Variants in KIF2C observed in about 807,000 individuals in gnomAD.
The protein encoded by KIF2C is kinesin family member 2C.
A neutral mutation model predicts 97.4 loss-of-function variants in KIF2C; 34 were observed. The observed-to-expected ratio is 0.35, with a 90% CI of 0.27 to 0.46. The LOEUF (loss-of-function observed/expected upper bound fraction) is 0.46. Ranked by LOEUF, KIF2C falls within the 20% of genes least tolerant of loss-of-function variation. The pLI is 1.00. For synonymous variants in KIF2C, 313 were observed against 318.2 expected (o/e 0.98, Z 0.17); for missense variants, 750 against 907.6 (o/e 0.83, Z 2.23).
chr1:44,744,597 C>T (rs548721042), intron 2 of KIF2C, among the ~76,000 whole-genome samples: 6 of 152,142 alleles, frequency 3.9e-5, no homozygotes, highest in African/African-American at 7.2e-5. Flanking sequence ...ATTGTCAGAG[C>T]AAGGCTTAAA....
chr1:44,763,143 G>A (rs1347883031), intron 19 of KIF2C, among the ~76,000 whole-genome samples: 2 of 152,020 alleles, frequency 1.3e-5, no homozygotes, highest in African/African-American at 4.8e-5. Flanking sequence ...AATGGTCAAG[G>A]TAGGATGGTT....
chr1:44,750,353 A>G (rs1649441386), intron 4 of KIF2C, 89 bp from the exon 5 acceptor site: 1 of 1,286,978 alleles, frequency 7.8e-7, no homozygotes. Context: ...GCTGGGACCT[A>G]TTTCACCTTG....
chr1:44,747,766 G>A, intron 4 of KIF2C, 66 bp downstream of exon 4: 1 of 1,449,782 alleles, frequency 6.9e-7, no homozygotes, highest in South Asian at 1.2e-5. Context: ...CTAGGACTCA[G>A]AGTTGTGGAA....
In KIF2C at chr1:44,757,980, T is replaced by C. The variant is rs1649929003; in HGVS notation, c.1132+9T>C. 1 of 1,614,152 alleles carries C rather than the reference T, an allele frequency of 6.2e-7. No homozygotes were observed. Among genetic ancestry groups the C allele is most frequent in the Non-Finnish European group, 8.5e-7 (1 of 1,179,958 alleles). On this transcript the variant is annotated intron_variant, in intron 12 of 20. Coordinates refer to ENST00000372224, the MANE Select transcript of KIF2C (RefSeq NM_006845.4). ...GATCTATGCCATGGCCTGTAAGTACTGTGTACTGCTGCTTCAGGGTTGGGC... is the reference window on the plus strand; with the variant it reads ...GATCTATGCCATGGCCTGTAAGTACCGTGTACTGCTGCTTCAGGGTTGGGC...
chr1:44,740,884 G>A, intron 1 of KIF2C, 29 bp from the exon 2 acceptor site: 2 of 1,520,826 alleles, frequency 1.3e-6, no homozygotes, highest in Non-Finnish European at 1.8e-6. Context: ...GAAAGAGATG[G>A]GTAACTCTGG....
rs749800359 is a variant in KIF2C, at chr1:44,766,879, C to T, written c.2025C>T (p.Asp675=). The T allele has an allele frequency of 8.2e-5, 132 of 1,614,092 alleles. No individual in the cohort carries two copies. Among genetic ancestry groups the T allele is most frequent in the Non-Finnish European group, 1.1e-4 (129 of 1,180,048 alleles). Reference sequence around the variant, plus strand: ...AGATGACCGAGCAGCCAGACTATGACCTGGAGACCTTTGTGAACAAAGCGG... The same window carrying T: ...AGATGACCGAGCAGCCAGACTATGATCTGGAGACCTTTGTGAACAAAGCGG... ...LSEMTEQPDY[D]LETFVNKAES... Residue 675 remains aspartate (D), a synonymous_variant, in exon 20 of 21, where the codon GAC becomes GAT. Transcript: ENST00000372224.
chr1:44,753,652 T>A, intron 6 of KIF2C, 81 bp from the exon 7 acceptor site: 1 of 916,488 alleles, frequency 1.1e-6, no homozygotes, highest in Non-Finnish European at 1.7e-6. Flanking sequence ...ACTCAGTAAA[T>A]AGCCAGAGAA....
At position 44,759,163 on chromosome 1, in the gene KIF2C, G is replaced by A. The variant is rs755390019; in HGVS notation, c.1225-43G>A. On this transcript the variant is annotated intron_variant, in intron 13 of 20. Coordinates refer to ENST00000372224, the MANE Select transcript of KIF2C (RefSeq NM_006845.4). ...GGAGGAAGCAGTCGGGTGGGGTGCC[G>A]GGTGCCCAGTGGCCTTAGCCTCATT... The A allele has an allele frequency of 1.9e-5, 30 of 1,610,994 alleles. 1 individual carries two copies. The Admixed American group carries it at 3.8e-4, about 21-fold the overall frequency.
chr1:44,752,217 C>G (rs1649568452), intron 5 of KIF2C, among the ~76,000 whole-genome samples: 1 of 146,706 alleles, frequency 6.8e-6, no homozygotes, highest in Non-Finnish European at 1.5e-5. Flanking sequence ...CGGCTCACTG[C>G]AAGCTCTGCC....
chr1:44,746,446 T>C (rs17384659), intron 2 of KIF2C: 26,055 of 1,167,834 alleles, frequency 0.022, 300 homozygotes, highest in Non-Finnish European at 0.025. Flanking sequence ...CAGAAGAAAA[T>C]GTAGGTAGTC....
At position 44,745,006 on chromosome 1, in the gene KIF2C, G is replaced by A. The variant is rs192336111; in HGVS notation, c.166-2378G>A. Among the ~76,000 whole-genome samples, 28 of 152,040 alleles carry A rather than the reference G, an allele frequency of 1.8e-4. No homozygotes were observed. In the South Asian group the frequency reaches 5.2e-3, roughly 28 times the overall value. On this transcript the variant is annotated intron_variant, in intron 2 of 20. Transcript: ENST00000372224. The stretch of plus-strand genomic sequence containing the variant: ...GGAGCTCAAGACCAGCCTGGCCAAC[G>A]TGGTAAAACCCTGTCTCTACTAAAA...
chr1:44,744,767 G>T (rs527669504), intron 2 of KIF2C, among the ~76,000 whole-genome samples: 18 of 152,104 alleles, frequency 1.2e-4, no homozygotes, highest in Non-Finnish European at 2.5e-4. Flanking sequence ...GGATGTGGTG[G>T]TGCGCACCTG....
chr1:44,740,077 A>G, intron 1 of KIF2C, 75 bp downstream of exon 1: 1 of 1,521,482 alleles, frequency 6.6e-7, no homozygotes, highest in Non-Finnish European at 9.1e-7. Context: ...GTCCCCGGAC[A>G]CACAGATGGG....
chr1:44,760,765 A>G lies in KIF2C; in HGVS notation c.1683+63A>G. On this transcript the variant is annotated intron_variant, in intron 16 of 20. Coordinates refer to ENST00000372224, the MANE Select transcript of KIF2C (RefSeq NM_006845.4). This position sits in a 1 kb window ranked among gnomAD's most constrained non-coding sequence, Gnocchi z 4.2. The stretch of plus-strand genomic sequence containing the variant: ...AGACAGAGTTGCTTTCCACAGAGAC[A>G]CTTAGTCCTGTCCCTGGGCTGGAAG... The G allele has an allele frequency of 7.4e-7, 1 of 1,342,662 alleles. No homozygotes were observed. Among genetic ancestry groups the G allele is most frequent in the Non-Finnish European group, 1.1e-6 (1 of 941,000 alleles). 83.2% of individuals were successfully genotyped at this position (1,342,662 alleles called of 1,614,324 possible). A position where few individuals can be genotyped will look rare whatever the true frequency, so the allele number is the denominator to read the frequency against.
At chr1:44,742,340 A>G (rs909898655) in intron 2 of KIF2C, among the ~76,000 whole-genome samples, 1 of 151,576 alleles carries the variant, frequency 6.6e-6, no homozygotes, top group South Asian at 2.1e-4. Flanking sequence ...CGATCTCCTG[A>G]CCTCGTGATC....
chr1:44,765,728 G>A (rs923719772), intron 19 of KIF2C, among the ~76,000 whole-genome samples: 2 of 152,236 alleles, frequency 1.3e-5, no homozygotes, highest in African/African-American at 4.8e-5. Flanking sequence ...TCAGCTACTC[G>A]GGAGGCTGAG....
intron 7 of KIF2C, among the ~76,000 whole-genome samples, chr1:44,754,363 C>T (rs1649702907): frequency 6.6e-6 from 1 of 152,172 alleles, no homozygotes; most frequent in Non-Finnish European, 1.5e-5. Flanking sequence ...ATCACATGCT[C>T]ACATGGCGTG....
At chr1:44,751,742 A>G (rs1322783857) in intron 5 of KIF2C, among the ~76,000 whole-genome samples, 1 of 148,602 alleles carries the variant, frequency 6.7e-6, no homozygotes, top group African/African-American at 2.5e-5. Context: ...TCCTGACCTC[A>G]TGTGATCTGC....
In KIF2C at chr1:44,762,583, C is replaced by T; in HGVS notation, c.1896C>T (p.Ser632=). Reference sequence around the variant, plus strand: ...AGGAGGAACTGTCTTCCCAGATGTCCAGCTTTAACGAAGCCATGACTCAGA... The same window carrying T: ...AGGAGGAACTGTCTTCCCAGATGTCTAGCTTTAACGAAGCCATGACTCAGA... ...KEEEELSSQM[S]SFNEAMTQIR... The change falls in exon 19 of 21, where the codon TCC becomes TCT. Residue 632 remains serine, a synonymous_variant. Coordinates refer to ENST00000372224, the MANE Select transcript of KIF2C (RefSeq NM_006845.4). The T allele has an allele frequency of 1.9e-6, 3 of 1,614,146 alleles. No homozygotes were observed. Among genetic ancestry groups the T allele is most frequent in the Non-Finnish European group, 2.5e-6 (3 of 1,180,020 alleles).
Sources: gnomAD v4.1 joint callset for allele counts (sites outside exome capture counted in the v4.1 genomes callset) on GRCh38, gnomAD v4.1.1 for gene constraint, Gnocchi (gnomAD v3.1) non-coding constraint, MANE v1.5 for transcripts, NCBI Gene and HGNC (gene_info 2026-07-23, HGNC 2026-07-21) for gene names.